DNAAF1: variants seen among roughly 807,000 people sequenced by gnomAD.
The protein encoded by DNAAF1 is dynein assembly factor 1, axonemal.
A neutral mutation model predicts 71.1 loss-of-function variants in DNAAF1; 65 were observed. That is an observed-to-expected ratio of 0.91 (90% CI 0.75 to 1.12). The LOEUF (loss-of-function observed/expected upper bound fraction) is 1.12. DNAAF1 is among the 50% of genes most tolerant of loss of function. DNAAF1 has a pLI of 0.00. For synonymous variants in DNAAF1, 414 were observed against 354.6 expected (o/e 1.17, Z -1.88); for missense variants, 1,178 against 899.8 (o/e 1.31, Z -3.96).
intron 7 of DNAAF1, among the ~76,000 whole-genome samples, chr16:84,166,600 T>C (rs777553019): frequency 4.6e-5 from 7 of 152,102 alleles, no homozygotes; most frequent in Non-Finnish European, 8.8e-5. Flanking sequence ...CTCAAACTCC[T>C]GGGCTCAAGT....
chr16:84,156,094 C>G (rs1025489685), intron 5 of DNAAF1, among the ~76,000 whole-genome samples: 2 of 152,158 alleles, frequency 1.3e-5, no homozygotes, highest in Non-Finnish European at 2.9e-5. Flanking sequence ...TCCCGAGTAG[C>G]TGGGATTTCA....
chr16:84,175,790 C>A (rs546886903), intron 10 of DNAAF1, 143 bp from the exon 11 acceptor site: 9 of 1,068,956 alleles, frequency 8.4e-6, no homozygotes, highest in Middle Eastern at 2.6e-4. Flanking sequence ...CTTTCAGAGT[C>A]CTGTGTTCCC....
In DNAAF1 at chr16:84,154,735, C is replaced by A. The variant is rs754730362; in HGVS notation, c.511C>A (p.Pro171Thr). The A allele has an allele frequency of 6.2e-7, 1 of 1,614,104 alleles. No homozygotes were observed. Among genetic ancestry groups the A allele is most frequent in the Non-Finnish European group, 8.5e-7 (1 of 1,180,022 alleles). The change falls in exon 4 of 12, where the codon CCT becomes ACT. Residue 171 changes from proline (P) to threonine (T), a missense_variant. By Grantham distance (38) the Pro-to-Thr change is conservative. Transcript: ENST00000378553. ...NLLRKIENLE[P>T]LQKLDALNLS... is the part of the protein sequence containing the mutation. Reference sequence around the variant, plus strand: ...GCTCCGTAAAATTGAGAACCTGGAACCTCTGCAGAAACTGGATGCTCTTAA... The same window carrying A: ...GCTCCGTAAAATTGAGAACCTGGAAACTCTGCAGAAACTGGATGCTCTTAA...
chr16:84,167,732 C>G (rs2088100804), intron 7 of DNAAF1, among the ~76,000 whole-genome samples: 1 of 152,168 alleles, frequency 6.6e-6, no homozygotes, highest in Admixed American at 6.6e-5. Flanking sequence ...GAATACAAAT[C>G]TGGCCGGGTG....
rs933317010 is a variant in DNAAF1 at position 84,149,269 on chromosome 16, G to C, written c.260+127G>C. The stretch of plus-strand genomic sequence containing the variant: ...ATTGCCTGCCCAATGTCTGAGAATG[G>C]AGTGAGGATGGCACTGCCTCTGCCG... On this transcript the variant is annotated intron_variant, in intron 2 of 11. Transcript: ENST00000378553. 18 of 1,241,488 alleles carry C rather than the reference G, an allele frequency of 1.4e-5. 1 individual carries two copies. The highest frequency in any genetic ancestry group is 2.0e-5 in the Non-Finnish European group (17 of 858,858). 76.9% of individuals were successfully genotyped at this position (1,241,488 alleles called of 1,614,324 possible).
In DNAAF1 at chr16:84,172,324, G is replaced by A. The variant is rs372197911; in HGVS notation, c.1593G>A (p.Thr531=). 28 of 1,614,082 alleles carry A rather than the reference G, an allele frequency of 1.7e-5. No homozygotes were observed. Among genetic ancestry groups the A allele is most frequent in the African/African-American group, 5.3e-5 (4 of 74,942 alleles). ...VFVTELDGTR[T]EDLETIRLET... ...TTACAGAACTTGATGGAACGAGAACGGAAGATTTAGAAACCATTAGACTGG... is the reference window on the plus strand; with the variant it reads ...TTACAGAACTTGATGGAACGAGAACAGAAGATTTAGAAACCATTAGACTGG... The change falls in exon 9 of 12, where the codon ACG becomes ACA. Residue 531 remains threonine (T), a synonymous_variant. Coordinates refer to ENST00000378553, the MANE Select transcript of DNAAF1 (RefSeq NM_178452.6).
intron 5 of DNAAF1, among the ~76,000 whole-genome samples, chr16:84,156,700 A>G (rs2151225578): frequency 6.6e-6 from 1 of 152,346 alleles, no homozygotes; most frequent in Non-Finnish European, 1.5e-5. Context: ...TCTGTTAGCT[A>G]GAATGCTTCT....
At chr16:84,160,127 T>A (rs1035724525) in intron 6 of DNAAF1, among the ~76,000 whole-genome samples, 1 of 152,250 alleles carries the variant, frequency 6.6e-6, no homozygotes, top group Non-Finnish European at 1.5e-5. Context: ...TCTAGTTGTT[T>A]TCTAGAGAGT....
At chr16:84,154,246 G>GGTCAA (rs2087310780) in intron 3 of DNAAF1, among the ~76,000 whole-genome samples, 1 of 152,158 alleles carries the variant, frequency 6.6e-6, no homozygotes, top group Non-Finnish European at 1.5e-5. Context: ...TCAAGCTACT[G>GGTCAA]GCAGATTTGG....
chr16:84,147,438 C>T (rs8063919), intron 1 of DNAAF1, among the ~76,000 whole-genome samples: 91,542 of 152,040 alleles, frequency 0.6, 28,643 homozygotes, highest in East Asian at 0.78. Flanking sequence ...AAAAATTATT[C>T]ATTTGAATGT....
intron 3 of DNAAF1, among the ~76,000 whole-genome samples, chr16:84,153,996 G>C (rs2087299243): frequency 6.6e-6 from 1 of 152,122 alleles, no homozygotes; most frequent in Admixed American, 6.5e-5. Context: ...GCTTGGCTAA[G>C]TGTGGCCACC....
intron 6 of DNAAF1, among the ~76,000 whole-genome samples, chr16:84,163,859 C>CTT (rs139966225): frequency 2.1e-5 from 3 of 144,562 alleles, no homozygotes; most frequent in African/African-American, 2.6e-5. Context: ...AATTAATAGA[C>CTT]TTTTTTTTTT....
chr16:84,173,511 G>GGTTTCTA, intron 9 of DNAAF1: 8 of 983,186 alleles, frequency 8.1e-6, no homozygotes, highest in Non-Finnish European at 9.6e-6. Context: ...ATTCACAGTG[G>GGTTTCTA]GTTTCTAGTT....
At chr16:84,164,099 C>T (rs2087850287) in intron 6 of DNAAF1, among the ~76,000 whole-genome samples, 1 of 152,214 alleles carries the variant, frequency 6.6e-6, no homozygotes, top group Non-Finnish European at 1.5e-5. Flanking sequence ...GCCACTGCAT[C>T]TGGCCTAGAC....
chr16:84,177,456 G>A, intron 11 of DNAAF1: 1 of 392,284 alleles, frequency 2.5e-6, no homozygotes, highest in Non-Finnish European at 4.9e-6. Context: ...AGCCTCCCCA[G>A]TAGCTGGTAT....
Position 84,150,350 on chromosome 16 carries a change from C to T in DNAAF1, c.352+8C>T. The T allele has an allele frequency of 6.3e-7, 1 of 1,595,092 alleles. No individual in the cohort carries two copies. The highest frequency in any genetic ancestry group is 8.6e-7 in the Non-Finnish European group (1 of 1,162,674). On this transcript the variant is annotated splice_region_variant and intron_variant, in intron 3 of 11. Coordinates refer to ENST00000378553, the MANE Select transcript of DNAAF1 (RefSeq NM_178452.6). ...TGTATTTACACTTTAAAGGTAAGGA[C>T]CTAAGAGAGGAAGTGCTTCACGTCA... is the stretch of plus-strand genomic sequence containing the variant.
chr16:84,163,039 ACTTCATT>A (rs893874250), intron 6 of DNAAF1, among the ~76,000 whole-genome samples: 18 of 152,232 alleles, frequency 1.2e-4, no homozygotes, highest in African/African-American at 4.1e-4. Context: ...TCCATCCAGT[ACTTCATT>A]CCTTTTTATT....
intron 10 of DNAAF1, chr16:84,175,694 G>A: frequency 1.8e-6 from 1 of 557,046 alleles, no homozygotes; most frequent in South Asian, 2.0e-5. Context: ...GGAGGGTGAG[G>A]AATAGCCAGT....
At chr16:84,150,381 A>G in intron 3 of DNAAF1, 39 bp downstream of exon 3, 1 of 1,465,134 alleles carries the variant, frequency 6.8e-7, no homozygotes, top group Non-Finnish European at 9.6e-7. Context: ...CGTCAGGTGG[A>G]AAGATTCTGT....
Sources: gnomAD v4.1 joint callset for allele counts (sites outside exome capture counted in the v4.1 genomes callset) on GRCh38, gnomAD v4.1.1 for gene constraint, MANE v1.5 for transcripts, NCBI Gene and HGNC (gene_info 2026-07-23, HGNC 2026-07-21) for gene names.